ARPP21: variants seen among roughly 807,000 people sequenced by gnomAD.
ARPP21 encodes the protein cAMP-regulated phosphoprotein 21.
Under a neutral mutation model 113.2 loss-of-function variants are expected in ARPP21, and 69 were observed. The ratio of observed to expected loss-of-function variants is 0.61; its 90% CI spans 0.50 to 0.74. The LOEUF (loss-of-function observed/expected upper bound fraction) is 0.74, where lower values mean the gene tolerates loss of function less well. ARPP21 is among the 30% of genes least tolerant of loss of function. The probability of loss-of-function intolerance (pLI) is 0.00; values close to 1 mark genes in which losing one functional copy is unlikely to be tolerated. For missense variants in ARPP21, 1,070 were observed against 1,037.4 expected (o/e 1.03, Z -0.43); for synonymous variants, 368 against 375.5 (o/e 0.98, Z 0.23).
At chr3:35,695,883 G>C (rs1030604282) in intron 9 of ARPP21, among the ~76,000 whole-genome samples, 2 of 151,552 alleles carry the variant, frequency 1.3e-5, no homozygotes, top group African/African-American at 4.8e-5. Flanking sequence ...CTTTACTGAA[G>C]AGAATATGTA....
chr3:35,689,696 T>G (rs539601748), intron 7 of ARPP21, among the ~76,000 whole-genome samples: 2 of 151,774 alleles, frequency 1.3e-5, no homozygotes, highest in East Asian at 3.9e-4. Flanking sequence ...AAGCCAATTA[T>G]GTTTTAATGC....
chr3:35,657,247 G>A (rs1011354849), intron 1 of ARPP21, among the ~76,000 whole-genome samples: 2 of 151,926 alleles, frequency 1.3e-5, no homozygotes, highest in Non-Finnish European at 2.9e-5. Flanking sequence ...ATATGTACAC[G>A]CCCTCAGAAA....
At chr3:35,726,584 C>CT (rs1285707042) in intron 14 of ARPP21, among the ~76,000 whole-genome samples, 3 of 151,906 alleles carry the variant, frequency 2.0e-5, no homozygotes, top group African/African-American at 7.2e-5. Flanking sequence ...ATTGATGCTG[C>CT]TTTTTTTTTC....
intron 5 of ARPP21, chr3:35,684,198 C>A: frequency 7.5e-7 from 1 of 1,326,090 alleles, no homozygotes; most frequent in Admixed American, 3.3e-5. Context: ...CCTCTCAGCT[C>A]CCCAAAATGC....
chr3:35,744,062 A>G (rs2094853394), intron 19 of ARPP21, 97 bp downstream of exon 19: 1 of 1,304,204 alleles, frequency 7.7e-7, no homozygotes, highest in Non-Finnish European at 1.1e-6. Context: ...GGCAATTTAA[A>G]CCAGCACATT....
chr3:35,742,890 A>G (rs1338081784), intron 18 of ARPP21, among the ~76,000 whole-genome samples: 1 of 152,250 alleles, frequency 6.6e-6, no homozygotes, highest in Non-Finnish European at 1.5e-5. Context: ...ATAATTAACT[A>G]AGATCAGTAA....
intron 19 of ARPP21, among the ~76,000 whole-genome samples, chr3:35,775,685 T>C (rs1194800507): frequency 6.6e-6 from 1 of 152,160 alleles, no homozygotes; most frequent in African/African-American, 2.4e-5. Context: ...TTTTATGCAA[T>C]ATATTTTACA....
Position 35,737,170 on chromosome 3 carries a change from C to A in ARPP21, c.1460-8C>A. 6.3e-7 allele frequency: 1 copy of A among 1,579,712 alleles called. No individual in the cohort carries two copies. On this transcript the variant is annotated splice_region_variant and splice_polypyrimidine_tract_variant and intron_variant, in intron 15 of 20. Coordinates refer to ENST00000684406, the MANE Select transcript of ARPP21 (RefSeq NM_001385562.1). ...GCTTACCTGGACTAAGTTCTGATTC[C>A]ATTGCAGGCCAGCCCTTTGTGAATC...
chr3:35,682,818 ATT>A, intron 3 of ARPP21, 28 bp from the exon 4 acceptor site: 1 of 1,584,700 alleles, frequency 6.3e-7, no homozygotes, highest in Non-Finnish European at 8.6e-7. Context: ...GTTTTATTTT[ATT>A]TTGTTTTATT....
At chr3:35,718,178 C>T (rs528937910) in intron 13 of ARPP21, among the ~76,000 whole-genome samples, 33 of 152,198 alleles carry the variant, frequency 2.2e-4, no homozygotes, top group African/African-American at 6.5e-4. Context: ...TGAGAAAGTA[C>T]ATTTTCTGCA....
chr3:35,699,100 G>A (rs1467720620), intron 9 of ARPP21, among the ~76,000 whole-genome samples: 1 of 151,766 alleles, frequency 6.6e-6, no homozygotes, highest in Non-Finnish European at 1.5e-5. Flanking sequence ...GTGTGTGTAT[G>A]TGTGTGAATA....
intron 19 of ARPP21, among the ~76,000 whole-genome samples, chr3:35,768,566 G>T (rs2096072403): frequency 6.6e-6 from 1 of 152,106 alleles, no homozygotes; most frequent in African/African-American, 2.4e-5. Flanking sequence ...TTGAAGAAAA[G>T]AAATATACAA....
At chr3:35,671,419 C>T (rs1367905180) in intron 1 of ARPP21, among the ~76,000 whole-genome samples, 2 of 152,142 alleles carry the variant, frequency 1.3e-5, no homozygotes, top group Non-Finnish European at 2.9e-5. Context: ...ATTTCTTGAA[C>T]ACTTACATTT....
At chr3:35,724,425 T>G (rs1463752483) in intron 14 of ARPP21, among the ~76,000 whole-genome samples, 1 of 152,196 alleles carries the variant, frequency 6.6e-6, no homozygotes, top group East Asian at 1.9e-4. Flanking sequence ...ATCTTGATCT[T>G]CAAAGCAGGG....
At chr3:35,736,301 G>C (rs13084607) in intron 15 of ARPP21, among the ~76,000 whole-genome samples, 52,310 of 151,808 alleles carry the variant, frequency 0.34, 10,484 homozygotes, top group East Asian at 0.73. Flanking sequence ...CCCCACACCC[G>C]CTCCTTGACT....
chr3:35,684,429 TTAG>T (rs1559607466), intron 5 of ARPP21: 12 of 974,040 alleles, frequency 1.2e-5, no homozygotes, highest in African/African-American at 1.8e-5. Context: ...TACAGCAAGA[TTAG>T]TAGGTTATAA....
intron 1 of ARPP21, among the ~76,000 whole-genome samples, chr3:35,672,333 A>T (rs1168442881): frequency 6.6e-6 from 1 of 152,068 alleles, no homozygotes; most frequent in Non-Finnish European, 1.5e-5. Flanking sequence ...CACAGAGCTT[A>T]ACAAGACCAA....
intron 19 of ARPP21, among the ~76,000 whole-genome samples, chr3:35,767,696 C>T (rs898210613): frequency 6.6e-6 from 1 of 152,134 alleles, no homozygotes; most frequent in Non-Finnish European, 1.5e-5. Context: ...CATGAAATTT[C>T]AGACTTTTCC....
chr3:35,676,548 A>G (rs1159301450), intron 1 of ARPP21, among the ~76,000 whole-genome samples: 1 of 78,096 alleles, frequency 1.3e-5, no homozygotes, highest in Non-Finnish European at 2.9e-5. Flanking sequence ...ATGATGGCTC[A>G]AGAATCTAAC....
Sources: allele counts gnomAD v4.1 joint callset (sites outside exome capture counted in the v4.1 genomes callset), GRCh38; gene constraint gnomAD v4.1.1; transcripts MANE v1.5; gene names NCBI Gene and HGNC (gene_info 2026-07-23, HGNC 2026-07-21).